DLGAP2: variants seen among roughly 807,000 people sequenced by gnomAD.
DLGAP2 encodes DLG associated protein 2.
Under a neutral mutation model 100.3 loss-of-function variants are expected in DLGAP2, and 26 were observed. The observed-to-expected ratio is 0.26, with a 90% CI of 0.19 to 0.36. DLGAP2 has a LOEUF of 0.36. DLGAP2 is among the 10% of genes least tolerant of loss of function. The probability of loss-of-function intolerance (pLI) is 1.00; values close to 1 mark genes in which losing one functional copy is unlikely to be tolerated. For synonymous variants in DLGAP2, 886 were observed against 630.1 expected, an observed-to-expected ratio of 1.41 and a Z score of -6.08; for missense variants, 1,858 against 1,453.2, an observed-to-expected ratio of 1.28 and a Z score of -4.53.
rs560295472 is a variant in DLGAP2, at chr8:1,037,520, C to T, written c.73+129554C>T. The stretch of plus-strand genomic sequence containing the variant: ...CTTCACCTGTCCGAGGGACGGAGCA[C>T]GTGGACGTGTCAGCTGCATCATCTG... On this transcript the variant is annotated intron_variant, in intron 2 of 14. Transcript: ENST00000637795. Among the ~76,000 whole-genome samples the T allele has an allele frequency of 3.9e-4, 60 of 152,210 alleles. No homozygotes were observed. In the South Asian group the frequency reaches 6.2e-3, roughly 16 times the overall value.
chr8:1,206,669 G>T (rs1480476162), intron 2 of DLGAP2, among the ~76,000 whole-genome samples: 1 of 152,230 alleles, frequency 6.6e-6, no homozygotes, highest in African/African-American at 2.4e-5. Flanking sequence ...GGGGTAGACT[G>T]TGAGTGATTA....
intron 5 of DLGAP2, among the ~76,000 whole-genome samples, chr8:1,550,010 A>T (rs188344737): frequency 1.3e-5 from 2 of 152,140 alleles, no homozygotes; most frequent in Admixed American, 1.3e-4. Context: ...CCTTTGACCA[A>T]CATCTCCCAA....
At chr8:804,850 C>T (rs1046018672) in intron 1 of DLGAP2, among the ~76,000 whole-genome samples, 7 of 152,164 alleles carry the variant, frequency 4.6e-5, no homozygotes, top group Non-Finnish European at 7.3e-5. Flanking sequence ...ACTGCAGCCT[C>T]GGCCTCCTGG....
At chr8:1,271,278 G>A (rs891507537) in intron 3 of DLGAP2, among the ~76,000 whole-genome samples, 1 of 152,194 alleles carries the variant, frequency 6.6e-6, no homozygotes, top group Non-Finnish European at 1.5e-5. Context: ...AGCCAGCGGT[G>A]TGACTTCATG....
At chr8:1,411,957 A>G (rs1330657658) in intron 3 of DLGAP2, among the ~76,000 whole-genome samples, 2 of 152,156 alleles carry the variant, frequency 1.3e-5, no homozygotes, top group Non-Finnish European at 2.9e-5. Flanking sequence ...GTTCAGACAC[A>G]TGCTCCGAAA....
intron 1 of DLGAP2, among the ~76,000 whole-genome samples, chr8:816,678 A>G (rs2132678668): frequency 6.6e-6 from 1 of 152,264 alleles, no homozygotes; most frequent in Non-Finnish European, 1.5e-5. Context: ...ACTTTGGATA[A>G]CCTGATGACT....
intron 1 of DLGAP2, among the ~76,000 whole-genome samples, chr8:881,134 T>C (rs1478514785): frequency 1.3e-5 from 2 of 152,244 alleles, no homozygotes; most frequent in Non-Finnish European, 2.9e-5. Flanking sequence ...ATCTTACTTA[T>C]TGCAAAGTAG....
At chr8:757,807 G>C (rs1179622379) in intron 1 of DLGAP2, among the ~76,000 whole-genome samples, 1 of 152,232 alleles carries the variant, frequency 6.6e-6, no homozygotes, top group African/African-American at 2.4e-5. Flanking sequence ...CTGCATGAAA[G>C]TCACTGTGTA....
chr8:1,330,738 T>C (rs1385867278), intron 3 of DLGAP2, among the ~76,000 whole-genome samples: 1 of 133,882 alleles, frequency 7.5e-6, no homozygotes, highest in African/African-American at 3.0e-5. Flanking sequence ...TCACCAGGAC[T>C]GAGTTCTGGG....
At position 785,221 on chromosome 8, in the gene DLGAP2, CAAAAAAAAAAAAAAAA is replaced by C. The variant is rs55781731; in HGVS notation, c.18+47412_18+47427del. Reference sequence around the variant, plus strand: ...TGGGCGACAGAGCGAGACTCCGCCTCAAAAAAAAAAAAAAAAAAAAAAAAAAAAAAAGGCACGTCCT... The same window carrying C: ...TGGGCGACAGAGCGAGACTCCGCCTCAAAAAAAAAAAAAAAGGCACGTCCT... On this transcript the variant is annotated intron_variant, in intron 1 of 14. Coordinates refer to ENST00000637795, the MANE Select transcript of DLGAP2 (RefSeq NM_001346810.2). 1.8e-4 allele frequency among the ~76,000 whole-genome samples: 11 copies of C among 60,832 alleles called. No homozygotes were observed. In the East Asian group the frequency reaches 5.4e-3, roughly 30 times the overall value. 39.9% of individuals were successfully genotyped at this position (60,832 alleles called of 152,430 possible).
chr8:1,282,279 A>T (rs1336117021), intron 3 of DLGAP2, among the ~76,000 whole-genome samples: 1 of 116,346 alleles, frequency 8.6e-6, no homozygotes, highest in Non-Finnish European at 1.8e-5. Context: ...CCATCCGGAC[A>T]TGGTGTGACC....
At chr8:1,291,143 G>A (rs1251943653) in intron 3 of DLGAP2, among the ~76,000 whole-genome samples, 3 of 152,132 alleles carry the variant, frequency 2.0e-5, no homozygotes, top group Non-Finnish European at 2.9e-5. Context: ...CAGTCATCAC[G>A]ATGATTGGAA....
chr8:1,392,173 G>C (rs1390438827), intron 3 of DLGAP2, among the ~76,000 whole-genome samples: 4 of 152,140 alleles, frequency 2.6e-5, no homozygotes, highest in Non-Finnish European at 5.9e-5. Flanking sequence ...CAAGACCCCT[G>C]AGTTCCAGGC....
At chr8:1,679,856 T>A (rs1402587928) in intron 12 of DLGAP2, among the ~76,000 whole-genome samples, 1 of 152,032 alleles carries the variant, frequency 6.6e-6, no homozygotes, top group East Asian at 1.9e-4. Flanking sequence ...GGCGGGTACC[T>A]GTAATCCTAG....
At chr8:1,574,153 T>G (rs867783376) in intron 6 of DLGAP2, among the ~76,000 whole-genome samples, 2 of 152,272 alleles carry the variant, frequency 1.3e-5, no homozygotes, top group Middle Eastern at 3.4e-3. Flanking sequence ...AGGGAAATAA[T>G]ATTTTATAGT....
chr8:1,006,890 G>A (rs1219090236), intron 2 of DLGAP2, among the ~76,000 whole-genome samples: 2 of 138,060 alleles, frequency 1.4e-5, no homozygotes, highest in African/African-American at 2.7e-5. Flanking sequence ...GTCTCGGGAT[G>A]TGGTCCTTTA....
chr8:1,438,776 C>T (rs1057331492), intron 3 of DLGAP2, among the ~76,000 whole-genome samples: 6 of 152,168 alleles, frequency 3.9e-5, no homozygotes. Flanking sequence ...CGGCAGCAGG[C>T]TCTAAAGATA....
intron 3 of DLGAP2, among the ~76,000 whole-genome samples, chr8:1,355,060 T>C (rs1198787689): frequency 6.6e-6 from 1 of 151,864 alleles, no homozygotes; most frequent in Non-Finnish European, 1.5e-5. Flanking sequence ...CGGATGATGC[T>C]GTGGATGAGG....
intron 6 of DLGAP2, among the ~76,000 whole-genome samples, chr8:1,588,037 A>G (rs1242649568): frequency 6.6e-6 from 1 of 152,196 alleles, no homozygotes; most frequent in Middle Eastern, 3.2e-3. Flanking sequence ...GTGACTCCTA[A>G]TAGAGTTCTG....
Sources: gnomAD v4.1 joint callset for allele counts (sites outside exome capture counted in the v4.1 genomes callset) on GRCh38, gnomAD v4.1.1 for gene constraint, MANE v1.5 for transcripts, NCBI Gene and HGNC (gene_info 2026-07-23, HGNC 2026-07-21) for gene names.